CEP350: variants seen among roughly 807,000 people sequenced by gnomAD.
The protein encoded by CEP350 is centrosomal protein 350, also known as centrosome-associated protein 350.
A neutral mutation model predicts 331.8 loss-of-function variants in CEP350; 126 were observed. The ratio of observed to expected loss-of-function variants is 0.38; its 90% CI spans 0.33 to 0.44. CEP350 has a LOEUF of 0.44. Among genes scored for constraint, CEP350 ranks in the 20% least tolerant of loss-of-function variants. CEP350 has a pLI of 1.00. For missense variants in CEP350, 3,406 were observed against 3,634.6 expected (o/e 0.94, Z 1.62); for synonymous variants, 1,200 against 1,259.5 (o/e 0.95, Z 1.00).
Position 179,996,549 on chromosome 1 carries a change from G to T in CEP350, c.396-4G>T, listed in dbSNP as rs1164042098. On this transcript the variant is annotated splice_polypyrimidine_tract_variant and splice_region_variant and intron_variant, in intron 5 of 37. Coordinates refer to ENST00000367607, the MANE Select transcript of CEP350 (RefSeq NM_014810.5). ...GTCACAGAGCTTATTATTTTTTATT[G>T]TAGGGAAATCCATGGTGCACCTTCC... 9.8e-6 allele frequency: 15 copies of T among 1,528,996 alleles called. No individual in the cohort carries two copies. The highest frequency in any genetic ancestry group is 1.3e-5 in the Non-Finnish European group (15 of 1,132,596). 94.7% of individuals were successfully genotyped at this position (1,528,996 alleles called of 1,614,324 possible).
At chr1:180,021,506 T>G (rs1655320561) in intron 12 of CEP350, among the ~76,000 whole-genome samples, 1 of 151,898 alleles carries the variant, frequency 6.6e-6, no homozygotes, top group African/African-American at 2.4e-5. Context: ...ATACAAAAAA[T>G]ATTTAGCTGA....
At chr1:179,993,534 C>T (rs1176619335) in intron 5 of CEP350, among the ~76,000 whole-genome samples, 1 of 152,096 alleles carries the variant, frequency 6.6e-6, no homozygotes, top group Non-Finnish European at 1.5e-5. Context: ...GCGATTCTCT[C>T]ACCTCAGCTT....
chr1:180,107,401 G>A (rs980709507), intron 37 of CEP350, among the ~76,000 whole-genome samples: 7 of 152,186 alleles, frequency 4.6e-5, no homozygotes, highest in African/African-American at 9.7e-5. Context: ...AGCCAGGCAC[G>A]GTGGCTCACC....
At chr1:179,991,568 G>A (rs1369124181) in intron 4 of CEP350, among the ~76,000 whole-genome samples, 6 of 151,598 alleles carry the variant, frequency 4.0e-5, no homozygotes, top group Middle Eastern at 3.4e-3. Context: ...GATTACAGGC[G>A]TGAGCCACCA....
chr1:179,969,170 G>C (rs539324), intron 1 of CEP350: 526,176 of 601,962 alleles, frequency 0.87, 230,747 homozygotes, highest in South Asian at 0.94. Flanking sequence ...GGTGCTGGCC[G>C]GGGAAGTTCT....
chr1:179,959,827 T>C (rs1024860154), intron 1 of CEP350, among the ~76,000 whole-genome samples: 1 of 152,160 alleles, frequency 6.6e-6, no homozygotes, highest in Admixed American at 6.5e-5. Flanking sequence ...ATAAATATAT[T>C]TGTTTTTCTC....
intron 27 of CEP350, among the ~76,000 whole-genome samples, chr1:180,065,755 C>T (rs1190602976): frequency 6.6e-6 from 1 of 150,912 alleles, no homozygotes; most frequent in Non-Finnish European, 1.5e-5. Flanking sequence ...TAGACCCTGT[C>T]CCCCCCCAAA....
chr1:180,054,580 CT>C, intron 25 of CEP350, 78 bp downstream of exon 25: 1 of 1,033,528 alleles, frequency 9.7e-7, no homozygotes, highest in Non-Finnish European at 1.5e-6. Flanking sequence ...TGCCTGATTT[CT>C]TTTCCTTATC....
At chr1:179,974,951 A>G (rs1039466990) in intron 1 of CEP350, among the ~76,000 whole-genome samples, 1 of 152,108 alleles carries the variant, frequency 6.6e-6, no homozygotes, top group African/African-American at 2.4e-5. Context: ...TGATTGCACC[A>G]CTGTACTCCA....
In CEP350 at chr1:179,991,436, C is replaced by T. The variant is rs1270603953; in HGVS notation, c.236-626C>T. Among the ~76,000 whole-genome samples the T allele has an allele frequency of 4.7e-5, 7 of 149,900 alleles. No homozygotes were observed. In the East Asian group the frequency reaches 5.9e-4, roughly 13 times the overall value. On this transcript the variant is annotated intron_variant, in intron 4 of 37. Coordinates refer to ENST00000367607, the MANE Select transcript of CEP350 (RefSeq NM_014810.5). Reference sequence around the variant, plus strand: ...GGTTTAAGCGATTCTCCTGAGTAGCCGCGCCACCGGGCCTTTCTAATTTTT... The same window carrying T: ...GGTTTAAGCGATTCTCCTGAGTAGCTGCGCCACCGGGCCTTTCTAATTTTT...
Position 180,034,031 on chromosome 1 carries a change from C to T in CEP350, c.3895C>T (p.Leu1299=). 1.2e-6 allele frequency: 2 copies of T among 1,613,894 alleles called. No individual in the cohort carries two copies. Among genetic ancestry groups the T allele is most frequent in the South Asian group, 2.2e-5 (2 of 91,076 alleles). The change falls in exon 16 of 38, where the codon CTG becomes TTG. Residue 1299 remains leucine (L), a synonymous_variant. Coordinates refer to ENST00000367607, the MANE Select transcript of CEP350 (RefSeq NM_014810.5). ...GFKPNAPLTD[L]NPAASRTTTE... Reference sequence around the variant, plus strand: ...TAAGCCTAATGCACCTCTCACTGATCTGAACCCGGCAGCCAGCAGAACAAC... The same window carrying T: ...TAAGCCTAATGCACCTCTCACTGATTTGAACCCGGCAGCCAGCAGAACAAC...
At chr1:179,987,344 G>A in intron 3 of CEP350, 58 bp downstream of exon 3, 1 of 894,848 alleles carries the variant, frequency 1.1e-6, no homozygotes, top group Non-Finnish European at 1.8e-6. Flanking sequence ...TTCCTGTTAT[G>A]ATTGAATAGA....
At chr1:180,060,018 A>G (rs986476433) in intron 25 of CEP350, among the ~76,000 whole-genome samples, 1 of 152,208 alleles carries the variant, frequency 6.6e-6, no homozygotes, top group Non-Finnish European at 1.5e-5. Context: ...GAGATTTGCA[A>G]AACTCTAAAA....
chr1:179,986,061 C>T, intron 1 of CEP350, 108 bp from the exon 2 acceptor site: 3 of 843,304 alleles, frequency 3.6e-6, no homozygotes, highest in East Asian at 2.7e-5. Flanking sequence ...GTCCTATTTA[C>T]ATCCTAATGG....
chr1:180,002,402 A>G (rs1414427457), intron 6 of CEP350, among the ~76,000 whole-genome samples: 1 of 152,134 alleles, frequency 6.6e-6, no homozygotes, highest in East Asian at 1.9e-4. Flanking sequence ...TGAACCCAGG[A>G]GGTGGAGGTT....
At chr1:180,078,073 CA>C (rs1385137238) in intron 28 of CEP350, among the ~76,000 whole-genome samples, 1 of 151,758 alleles carries the variant, frequency 6.6e-6, no homozygotes, top group East Asian at 1.9e-4. Flanking sequence ...GCGAAGGTTA[CA>C]GTGAGCCGAG....
chr1:180,029,348 T>G (rs1655865624), intron 14 of CEP350, among the ~76,000 whole-genome samples: 1 of 152,198 alleles, frequency 6.6e-6, no homozygotes, highest in South Asian at 2.1e-4. Flanking sequence ...ACAAACAATA[T>G]TAAGTGAATA....
chr1:180,083,079 T>G (rs892604275), intron 30 of CEP350, among the ~76,000 whole-genome samples: 2 of 152,220 alleles, frequency 1.3e-5, no homozygotes, highest in African/African-American at 4.8e-5. Flanking sequence ...CTTCCATAAC[T>G]AGCTCTTACA....
rs1024698009 is a variant in CEP350, at chr1:180,103,096, A to G, written c.9189+4111A>G. ...CTTTAAGAGGTGGTATCTGATTTAC[A>G]TAGGGCCCACAGATTGGTTCCACCA... On this transcript the variant is annotated intron_variant, in intron 37 of 37. Transcript: ENST00000367607. Among the ~76,000 whole-genome samples, 9 of 152,242 alleles carry G rather than the reference A, an allele frequency of 5.9e-5. No homozygotes were observed. In the East Asian group the frequency reaches 1.5e-3, roughly 26 times the overall value.
Sources: allele counts gnomAD v4.1 joint callset (sites outside exome capture counted in the v4.1 genomes callset), GRCh38; gene constraint gnomAD v4.1.1; transcripts MANE v1.5; gene names NCBI Gene and HGNC (gene_info 2026-07-23, HGNC 2026-07-21).